CUX1: variants seen among roughly 807,000 people sequenced by gnomAD.
CUX1 encodes cut like homeobox 1.
In CUX1, 31 loss-of-function variants were observed where a neutral mutation model predicts 158.8. The ratio of observed to expected loss-of-function variants is 0.20; its 90% CI spans 0.15 to 0.26. The LOEUF is 0.26. Ranked by LOEUF, CUX1 falls within the 10% of genes least tolerant of loss-of-function variation. CUX1 has a pLI of 1.00. For synonymous variants in CUX1, 879 were observed against 862.1 expected (o/e 1.02, Z -0.34); for missense variants, 1,589 against 2,014.6 (o/e 0.79, Z 4.04).
Position 102,250,207 on chromosome 7 carries a change from A to G in CUX1, c.*1165A>G, listed in dbSNP as rs1801346942. Reference sequence around the variant, plus strand: ...TAGCATGTACCTGTTAATTTTGTTTAATTTATGGTGTCTCAATCTGTCTGT... The same window carrying G: ...TAGCATGTACCTGTTAATTTTGTTTGATTTATGGTGTCTCAATCTGTCTGT... On this transcript the variant is annotated 3_prime_UTR_variant, in exon 24 of 24. Transcript: ENST00000292535. 2 of 985,398 alleles carry G rather than the reference A, an allele frequency of 2.0e-6. No individual in the cohort carries two copies. The highest frequency in any genetic ancestry group is 3.5e-5 in the African/African-American group (2 of 57,326). 61.0% of individuals were successfully genotyped at this position (985,398 alleles called of 1,614,324 possible). A position where few individuals can be genotyped will look rare whatever the true frequency, so the allele number is the denominator to read the frequency against.
At chr7:102,104,156 A>G (rs1170827163) in intron 5 of CUX1, among the ~76,000 whole-genome samples, 180 bp from the exon 6 acceptor site, 1 of 152,078 alleles carries the variant, frequency 6.6e-6, no homozygotes, top group Non-Finnish European at 1.5e-5. Flanking sequence ...TTAAAGTTCA[A>G]TTTAACATTT....
In CUX1 at chr7:102,062,244, G is replaced by A. The variant is rs368190038; in HGVS notation, c.190-8095G>A. On this transcript the variant is annotated intron_variant, in intron 3 of 23. Coordinates refer to ENST00000292535, the MANE Select transcript of CUX1 (RefSeq NM_181552.4). ...AAGTTGCTGTTACACCACAAGTCAC[G>A]TGGCAGTGGGCAGCGATGTGTGACG... Among the ~76,000 whole-genome samples, 58 of 152,296 alleles carry A rather than the reference G, an allele frequency of 3.8e-4. 1 individual carries two copies. Among genetic ancestry groups the A allele is most frequent in the African/African-American group, 1.3e-3 (53 of 41,560 alleles).
intron 1 of CUX1, among the ~76,000 whole-genome samples, chr7:101,904,534 T>G (rs1388181521): frequency 6.6e-6 from 1 of 152,064 alleles, no homozygotes; most frequent in Non-Finnish European, 1.5e-5. Context: ...CAAGAAATAC[T>G]GATACATATC....
intron 1 of CUX1, among the ~76,000 whole-genome samples, chr7:101,857,799 T>C (rs1243578399): frequency 6.6e-6 from 1 of 152,204 alleles, no homozygotes; most frequent in Non-Finnish European, 1.5e-5. Flanking sequence ...CCTCCTGGTG[T>C]ATTTGTAGAA....
chr7:102,053,053 G>A (rs1823711994), intron 3 of CUX1, among the ~76,000 whole-genome samples: 2 of 152,038 alleles, frequency 1.3e-5, no homozygotes, highest in African/African-American at 2.4e-5. Flanking sequence ...CAGGTGATCT[G>A]CCCGCCTCGG....
rs1320661781 is a variant in CUX1, at chr7:102,253,497, G to T, written c.*4455G>T. ...CTGGATGACTTTGTTCCTCCTGCAT[G>T]CATGTCCTTTGATGCAAGGGTGATC... On this transcript the variant is annotated 3_prime_UTR_variant, in exon 24 of 24. Coordinates refer to ENST00000292535, the MANE Select transcript of CUX1 (RefSeq NM_181552.4). 1.0e-6 allele frequency: 1 copy of T among 985,384 alleles called. No homozygotes were observed. Among genetic ancestry groups the T allele is most frequent in the African/African-American group, 1.7e-5 (1 of 57,254 alleles). 61.0% of individuals were successfully genotyped at this position (985,384 alleles called of 1,614,324 possible). A position where few individuals can be genotyped will look rare whatever the true frequency, so the allele number is the denominator to read the frequency against.
intron 22 of CUX1, chr7:102,282,997 A>T (rs1554549827): frequency 1.3e-6 from 2 of 1,582,754 alleles, no homozygotes; most frequent in East Asian, 4.6e-5. Context: ...ACTCGGCCTC[A>T]GCAAAGCTTC....
chr7:101,843,098 C>T (rs982121111), intron 1 of CUX1, among the ~76,000 whole-genome samples: 3 of 151,314 alleles, frequency 2.0e-5, no homozygotes, highest in Admixed American at 6.6e-5. Context: ...GATCTCCTGA[C>T]CTCATGATCC....
At position 102,100,402 on chromosome 7, in the gene CUX1, C is replaced by G. The variant is rs1351814238; in HGVS notation, c.406+2901C>G. On this transcript the variant is annotated intron_variant, in intron 5 of 23. Transcript: ENST00000292535. ...CTAAAAGCCTCTTTCTCTTGGGAGG[C>G]AATTCTGATACTTACCAGGTAGGGT... Among the ~76,000 whole-genome samples, 3 of 152,310 alleles carry G rather than the reference C, an allele frequency of 2.0e-5. No homozygotes were observed. The East Asian group carries it at 5.8e-4, about 29-fold the overall frequency.
chr7:102,172,226 G>C (rs1427362139), intron 10 of CUX1, among the ~76,000 whole-genome samples: 1 of 151,980 alleles, frequency 6.6e-6, no homozygotes, highest in African/African-American at 2.4e-5. Context: ...CAACTAGCTG[G>C]AGCTGCAGGC....
chr7:102,115,457 CTTCTT>C, intron 8 of CUX1, 184 bp downstream of exon 8: 1 of 502,202 alleles, frequency 2.0e-6, no homozygotes, highest in Non-Finnish European at 3.4e-6. Context: ...TTCCAACAAA[CTTCTT>C]TCCTTCTTTA....
intron 2 of CUX1, among the ~76,000 whole-genome samples, chr7:101,980,789 C>T (rs1369557185): frequency 1.3e-5 from 2 of 152,106 alleles, no homozygotes; most frequent in East Asian, 1.9e-4. Flanking sequence ...AGAACCAGCC[C>T]GCCGTCCGCA....
At chr7:102,092,702 G>A (rs1173615877) in intron 4 of CUX1, among the ~76,000 whole-genome samples, 3 of 151,996 alleles carry the variant, frequency 2.0e-5, no homozygotes, top group Admixed American at 2.0e-4. Context: ...GCTTGAGGCC[G>A]GGGGTTGAAG....
At chr7:102,281,978 AG>A in intron 21 of CUX1, 4 of 1,211,156 alleles carry the variant, frequency 3.3e-6, no homozygotes, top group Non-Finnish European at 4.9e-6. Flanking sequence ...CCTGACCTCC[AG>A]GGCAGCAGGG....
In CUX1 at chr7:101,915,976, C is replaced by T. The variant is rs1035227478; in HGVS notation, c.31-139C>T. 8 of 659,496 alleles carry T rather than the reference C, an allele frequency of 1.2e-5. No homozygotes were observed. The African/African-American group carries it at 1.4e-4, about 12-fold the overall frequency. 40.9% of individuals were successfully genotyped at this position (659,496 alleles called of 1,614,324 possible). On this transcript the variant is annotated intron_variant, in intron 1 of 23. Transcript: ENST00000292535. ...CTCTGCCTTCCCGCCACCCTCCAGC[C>T]CCTCCTCTGCCAATGAGTTGATGTT...
At chr7:101,827,217 C>T (rs991900130) in intron 1 of CUX1, among the ~76,000 whole-genome samples, 10 of 149,842 alleles carry the variant, frequency 6.7e-5, no homozygotes, top group African/African-American at 1.5e-4. Context: ...CAAAAATCCA[C>T]GTATAACTTT....
In CUX1 at chr7:102,183,134, C is replaced by A. The variant is rs548992151; in HGVS notation, c.1017+4477C>A. Reference sequence around the variant, plus strand: ...CGTCCCTCTGGCCTTGGGTGTCTCTCTTTTCATCTTGCATTCTCGGAGCCC... The same window carrying A: ...CGTCCCTCTGGCCTTGGGTGTCTCTATTTTCATCTTGCATTCTCGGAGCCC... On this transcript the variant is annotated intron_variant, in intron 11 of 23. Coordinates refer to ENST00000292535, the MANE Select transcript of CUX1 (RefSeq NM_181552.4). Among the ~76,000 whole-genome samples, 60 of 152,122 alleles carry A rather than the reference C, an allele frequency of 3.9e-4. 2 individuals carry two copies. The South Asian group carries it at 0.012, about 30-fold the overall frequency.
intron 5 of CUX1, 72 bp from the exon 6 acceptor site, chr7:102,104,264 G>A: frequency 6.9e-7 from 1 of 1,448,666 alleles, no homozygotes; most frequent in African/African-American, 1.4e-5. Context: ...CAGGTTATGA[G>A]AGCCTTGTAC....
intron 1 of CUX1, among the ~76,000 whole-genome samples, chr7:101,823,359 C>G (rs1792893380): frequency 6.6e-6 from 1 of 152,236 alleles, no homozygotes; most frequent in South Asian, 2.1e-4. Flanking sequence ...CCGGGAGTTT[C>G]CTAGTAAGTG....
Sources: gnomAD v4.1 joint callset for allele counts (sites outside exome capture counted in the v4.1 genomes callset) on GRCh38, gnomAD v4.1.1 for gene constraint, MANE v1.5 for transcripts, NCBI Gene and HGNC (gene_info 2026-07-23, HGNC 2026-07-21) for gene names.